NEGR1: variants seen among roughly 807,000 people sequenced by gnomAD.
The protein encoded by NEGR1 is neuronal growth regulator 1.
A neutral mutation model predicts 40.9 loss-of-function variants in NEGR1; 10 were observed. The ratio of observed to expected loss-of-function variants is 0.24; its 90% CI spans 0.15 to 0.42. NEGR1 has a LOEUF of 0.42. Ranked by LOEUF, NEGR1 falls within the 10% of genes least tolerant of loss-of-function variation. The pLI, the probability that NEGR1 is intolerant of heterozygous loss-of-function variation, is 1.00. For missense variants in NEGR1, 352 were observed against 438.9 expected, an observed-to-expected ratio of 0.80 and a Z score of 1.77; for synonymous variants, 185 against 166.8, an observed-to-expected ratio of 1.11 and a Z score of -0.84.
chr1:71,677,597 T>C (rs1652687805), intron 4 of NEGR1, among the ~76,000 whole-genome samples: 1 of 152,166 alleles, frequency 6.6e-6, no homozygotes, highest in South Asian at 2.1e-4. Context: ...TGAGCCCATT[T>C]GGAGGTTCAC....
chr1:71,773,509 G>T (rs931134919), intron 3 of NEGR1, among the ~76,000 whole-genome samples: 7 of 152,034 alleles, frequency 4.6e-5, no homozygotes, highest in Non-Finnish European at 7.4e-5. Flanking sequence ...TCATAATTTT[G>T]CTTTTAAATA....
chr1:71,653,194 T>C (rs1181035555), intron 4 of NEGR1, among the ~76,000 whole-genome samples: 1 of 152,238 alleles, frequency 6.6e-6, no homozygotes, highest in African/African-American at 2.4e-5. Flanking sequence ...GAGAAAATGG[T>C]GACTGTAAAC....
intron 1 of NEGR1, among the ~76,000 whole-genome samples, chr1:72,181,953 T>A (rs892460627): frequency 8.5e-5 from 13 of 152,122 alleles, no homozygotes; most frequent in Non-Finnish European, 1.8e-4. Context: ...ATGTGTAGAA[T>A]GAACAAGTCT....
At chr1:71,570,647 A>ATTATTC (rs1360461283) in intron 6 of NEGR1, among the ~76,000 whole-genome samples, 2 of 150,316 alleles carry the variant, frequency 1.3e-5, no homozygotes, top group Admixed American at 1.3e-4. Context: ...CTGGGTCCTT[A>ATTATTC]TTATTATTAT....
chr1:71,947,954 C>T (rs1304916670), intron 1 of NEGR1, among the ~76,000 whole-genome samples: 1 of 152,168 alleles, frequency 6.6e-6, no homozygotes, highest in Non-Finnish European at 1.5e-5. Context: ...CACTTCTAAT[C>T]TTCCCTTTCT....
intron 4 of NEGR1, among the ~76,000 whole-genome samples, chr1:71,644,000 G>A (rs542653331): frequency 6.6e-6 from 1 of 151,994 alleles, no homozygotes; most frequent in South Asian, 2.1e-4. Flanking sequence ...CCAAGTAATG[G>A]AGGAGAATTC....
chr1:71,651,815 C>T lies in NEGR1; in HGVS notation c.668-40669G>A, dbSNP rs147625320. Among the ~76,000 whole-genome samples the T allele has an allele frequency of 8.3e-3, 1,260 of 152,210 alleles. 12 individuals carry two copies. The highest frequency in any genetic ancestry group is 0.029 in the African/African-American group (1,195 of 41,532). ...AACACTTACTAGGTGCCAAGTACCT[C>T]ACTAAGTATTTTTCATACGTTATTG... On this transcript the variant is annotated intron_variant, in intron 4 of 6. Coordinates refer to ENST00000357731, the MANE Select transcript of NEGR1 (RefSeq NM_173808.3).
At chr1:71,880,895 C>T (rs1660566574) in intron 2 of NEGR1, among the ~76,000 whole-genome samples, 1 of 151,816 alleles carries the variant, frequency 6.6e-6, no homozygotes, top group Non-Finnish European at 1.5e-5. Context: ...TATTTAGACT[C>T]GATTTCTGAC....
At chr1:71,958,013 C>A (rs1295896205) in intron 1 of NEGR1, among the ~76,000 whole-genome samples, 1 of 152,164 alleles carries the variant, frequency 6.6e-6, no homozygotes, top group Non-Finnish European at 1.5e-5. Flanking sequence ...CTCCACCATC[C>A]TTTAATGTCC....
chr1:71,948,831 A>C (rs1050691791), intron 1 of NEGR1, among the ~76,000 whole-genome samples: 10 of 152,136 alleles, frequency 6.6e-5, no homozygotes, highest in Non-Finnish European at 1.3e-4. Context: ...GTAAATTTCA[A>C]CCATGACTTT....
At chr1:71,990,911 T>C (rs539521996) in intron 1 of NEGR1, among the ~76,000 whole-genome samples, 2 of 119,482 alleles carry the variant, frequency 1.7e-5, no homozygotes, top group South Asian at 3.0e-4. Context: ...TACATATATA[T>C]ATATATATTT....
At chr1:71,722,486 C>T (rs747952778) in intron 3 of NEGR1, among the ~76,000 whole-genome samples, 25 of 151,724 alleles carry the variant, frequency 1.6e-4, no homozygotes, top group Non-Finnish European at 2.8e-4. Context: ...TATGATAATA[C>T]GTCATGTATA....
chr1:72,148,822 G>A (rs1570042456), intron 1 of NEGR1, among the ~76,000 whole-genome samples: 1 of 152,270 alleles, frequency 6.6e-6, no homozygotes, highest in East Asian at 1.9e-4. Context: ...ACCTCAGGCT[G>A]GACCTTATTG....
intron 1 of NEGR1, among the ~76,000 whole-genome samples, chr1:72,279,168 A>G (rs1231908188): frequency 4.6e-5 from 7 of 152,166 alleles, no homozygotes; most frequent in African/African-American, 1.7e-4. Context: ...AGCTAAACAG[A>G]AAAGATGATT....
intron 1 of NEGR1, among the ~76,000 whole-genome samples, chr1:72,048,818 A>G (rs1647027836): frequency 6.6e-6 from 1 of 151,248 alleles, no homozygotes; most frequent in Non-Finnish European, 1.5e-5. Context: ...AAGTCAATTA[A>G]CTGGACATTT....
At chr1:71,642,959 T>A (rs1248323180) in intron 4 of NEGR1, among the ~76,000 whole-genome samples, 1 of 151,924 alleles carries the variant, frequency 6.6e-6, no homozygotes, top group East Asian at 1.9e-4. Flanking sequence ...TAGGGCTAAG[T>A]ATATTCAGAA....
intron 1 of NEGR1, among the ~76,000 whole-genome samples, chr1:72,028,534 C>A (rs1394053324): frequency 1.3e-5 from 2 of 152,182 alleles, no homozygotes; most frequent in Non-Finnish European, 2.9e-5. Context: ...TCACCCCTAC[C>A]TACCTCTGCT....
chr1:71,896,113 C>T (rs1243073563), intron 2 of NEGR1, among the ~76,000 whole-genome samples: 1 of 146,708 alleles, frequency 6.8e-6, no homozygotes, highest in Non-Finnish European at 1.5e-5. Context: ...TCTCGGCTCA[C>T]TGCAACCTCC....
intron 6 of NEGR1, among the ~76,000 whole-genome samples, chr1:71,431,012 G>T (rs1646464107): frequency 6.6e-6 from 1 of 151,780 alleles, no homozygotes; most frequent in Non-Finnish European, 1.5e-5. Context: ...CTCCCAAAGT[G>T]CTGGGATTAC....
Sources: allele counts gnomAD v4.1 joint callset (sites outside exome capture counted in the v4.1 genomes callset), GRCh38; gene constraint gnomAD v4.1.1; transcripts MANE v1.5; gene names NCBI Gene and HGNC (gene_info 2026-07-23, HGNC 2026-07-21).